STK31: variants seen among roughly 807,000 people sequenced by gnomAD.
The protein encoded by STK31 is serine/threonine-protein kinase 31.
A neutral mutation model predicts 129.7 loss-of-function variants in STK31; 89 were observed. The observed-to-expected ratio is 0.69, with a 90% CI of 0.58 to 0.82. The LOEUF is 0.82. STK31 is among the 40% of genes least tolerant of loss of function. STK31 has a pLI of 0.00. For synonymous variants in STK31, 448 were observed against 395.3 expected (o/e 1.13, Z -1.58); for missense variants, 1,187 against 1,176.4 (o/e 1.01, Z -0.13).
At chr7:23,826,778 G>A (rs1794180191) in intron 23 of STK31, among the ~76,000 whole-genome samples, 2 of 152,064 alleles carry the variant, frequency 1.3e-5, no homozygotes, top group African/African-American at 4.8e-5. Context: ...AGCTCTTTTA[G>A]GGCAGGTCTG....
At chr7:23,805,364 C>T (rs1376610779) in intron 22 of STK31, among the ~76,000 whole-genome samples, 2 of 152,228 alleles carry the variant, frequency 1.3e-5, no homozygotes, top group Non-Finnish European at 2.9e-5. Flanking sequence ...GCGTGAGCCA[C>T]CACGCCCAGC....
chr7:23,783,512 C>T (rs977270254), intron 16 of STK31, 71 bp from the exon 17 acceptor site: 8 of 1,092,136 alleles, frequency 7.3e-6, no homozygotes, highest in African/African-American at 1.6e-5. Context: ...GATATATTTT[C>T]CTGAAGAGCA....
In STK31 at chr7:23,729,231, A is replaced by AGTTACCCAG; in HGVS notation, c.466_474dup (p.Val156_Gln158dup). The AGTTACCCAG allele has an allele frequency of 6.2e-7, 1 of 1,601,158 alleles. No individual in the cohort carries two copies. The highest frequency in any genetic ancestry group is 8.5e-7 in the Non-Finnish European group (1 of 1,176,504). ...GACTACACATTCCTTCTGATCAAGA[A>AGTTACCCAG]GTTACCCAGTTTGATCAGGCAAGTC... On this transcript the variant is annotated inframe_insertion, in exon 6 of 24. Transcript: ENST00000355870.
chr7:23,754,520 TA>T (rs34664371), intron 10 of STK31, 46 bp downstream of exon 10: 687,358 of 1,531,776 alleles, frequency 0.45, 156,526 homozygotes, highest in Admixed American at 0.58. Context: ...CTGTTGAACA[TA>T]AGGAAGTGTT....
intron 22 of STK31, among the ~76,000 whole-genome samples, chr7:23,810,741 A>ATATAT (rs1562623359): frequency 9.2e-4 from 119 of 128,842 alleles, no homozygotes; most frequent in African/African-American, 3.3e-3. Context: ...GATATATATA[A>ATATAT]AATAGATATA....
chr7:23,722,057 C>T lies in STK31; in HGVS notation c.249+4478C>T, dbSNP rs528777608. Reference sequence around the variant, plus strand: ...CTTGGAGAAGTTTGTTATTACCAATCGTCTGAAGCCTTCTTCTCTCAACTC... The same window carrying T: ...CTTGGAGAAGTTTGTTATTACCAATTGTCTGAAGCCTTCTTCTCTCAACTC... On this transcript the variant is annotated intron_variant, in intron 4 of 23. Transcript: ENST00000355870. 5.6e-4 allele frequency: 93 copies of T among 164,924 alleles called. 1 individual carries two copies. In the Middle Eastern group the frequency reaches 9.2e-3, roughly 16 times the overall value. The allele number at this position is 164,924 out of a possible 1,614,324, so 10.2% of individuals were successfully genotyped here.
chr7:23,763,779 T>C (rs954057641), intron 11 of STK31, among the ~76,000 whole-genome samples: 6 of 152,112 alleles, frequency 3.9e-5, no homozygotes, highest in Admixed American at 1.3e-4. Flanking sequence ...TCTAATGTTT[T>C]CATTTGAAAT....
intron 8 of STK31, among the ~76,000 whole-genome samples, chr7:23,740,456 G>T (rs756949502): frequency 1.3e-5 from 2 of 152,104 alleles, no homozygotes; most frequent in Non-Finnish European, 2.9e-5. Context: ...GATGGTTGTT[G>T]TCTGCAAGCA....
At position 23,789,106 on chromosome 7, in the gene STK31, A is replaced by G. The variant is rs1165999694; in HGVS notation, c.2637+977A>G. Among the ~76,000 whole-genome samples the G allele has an allele frequency of 2.0e-5, 3 of 152,148 alleles. No individual in the cohort carries two copies. The East Asian group carries it at 5.8e-4, about 29-fold the overall frequency. ...ACTTAGCATAGTGTTTTCAGAGTTCATCCACGTTATTGACTGTATCAAAAT... is the reference window on the plus strand; with the variant it reads ...ACTTAGCATAGTGTTTTCAGAGTTCGTCCACGTTATTGACTGTATCAAAAT... On this transcript the variant is annotated intron_variant, in intron 21 of 23. Transcript: ENST00000355870.
intron 22 of STK31, among the ~76,000 whole-genome samples, chr7:23,810,332 T>C (rs1055981992): frequency 2.6e-5 from 4 of 151,774 alleles, no homozygotes; most frequent in East Asian, 1.9e-4. Flanking sequence ...AGTTGCATTG[T>C]TTTTTATTTA....
chr7:23,807,269 T>C (rs187077844), intron 22 of STK31, among the ~76,000 whole-genome samples: 51 of 152,302 alleles, frequency 3.3e-4, no homozygotes, highest in South Asian at 6.2e-4. Flanking sequence ...GTCCTTTATC[T>C]GAGAGCATCT....
intron 22 of STK31, 71 bp downstream of exon 22, chr7:23,791,017 T>A (rs1791583458): frequency 2.2e-5 from 27 of 1,202,892 alleles, no homozygotes; most frequent in Non-Finnish European, 2.7e-5. Context: ...GATTTTATAG[T>A]GATTCTCCTT....
At chr7:23,775,375 G>A (rs968438708) in intron 15 of STK31, among the ~76,000 whole-genome samples, 1 of 152,198 alleles carries the variant, frequency 6.6e-6, no homozygotes, top group Non-Finnish European at 1.5e-5. Flanking sequence ...GAAATTCAGT[G>A]GTGGCTTGAT....
chr7:23,713,129 C>G (rs1444902910), intron 3 of STK31, among the ~76,000 whole-genome samples: 8 of 152,132 alleles, frequency 5.3e-5, no homozygotes, highest in Non-Finnish European at 1.2e-4. Flanking sequence ...GTATGAACAT[C>G]ATAGAATGTA....
intron 8 of STK31, among the ~76,000 whole-genome samples, chr7:23,752,332 A>G (rs1044211426): frequency 6.7e-6 from 1 of 148,420 alleles, no homozygotes; most frequent in African/African-American, 2.5e-5. Flanking sequence ...ATTCTATTAT[A>G]TTTTATTCAA....
At chr7:23,768,637 G>A (rs780180825) in intron 11 of STK31, among the ~76,000 whole-genome samples, 2 of 152,028 alleles carry the variant, frequency 1.3e-5, no homozygotes, top group African/African-American at 2.4e-5. Context: ...ATACACTAAA[G>A]CCCAGACTTT....
At position 23,783,567 on chromosome 7, in the gene STK31, T is replaced by C; in HGVS notation, c.2068-16T>C. The C allele has an allele frequency of 6.3e-7, 1 of 1,590,138 alleles. No individual in the cohort carries two copies. The highest frequency in any genetic ancestry group is 8.5e-7 in the Non-Finnish European group (1 of 1,173,956). ...ATATTGATCTACAGTTAAAAACTTTTTTTTTTTAACTTTAGGAGATGCTAA... is the reference window on the plus strand; with the variant it reads ...ATATTGATCTACAGTTAAAAACTTTCTTTTTTTAACTTTAGGAGATGCTAA... On this transcript the variant is annotated splice_polypyrimidine_tract_variant and intron_variant, in intron 16 of 23. Coordinates refer to ENST00000355870, the MANE Select transcript of STK31 (RefSeq NM_031414.5).
rs369671534 is a variant in STK31, at chr7:23,769,670, A to C, written c.1627A>C (p.Ile543Leu). 29 of 1,611,694 alleles carry C rather than the reference A, an allele frequency of 1.8e-5. No individual in the cohort carries two copies. The highest frequency in any genetic ancestry group is 2.4e-5 in the Non-Finnish European group (28 of 1,178,808). ...VFDLSVEGSL[I>L]SEDAMDNIDE... The stretch of plus-strand genomic sequence containing the variant: ...TGACCTATCTGTGGAAGGATCACTG[A>C]TTTCAGAAGACGCAATGGATAATAT... The change falls in exon 13 of 24, where the codon ATT becomes CTT. Residue 543 changes from isoleucine (I) to leucine (L), a missense_variant. Transcript: ENST00000355870.
intron 15 of STK31, among the ~76,000 whole-genome samples, chr7:23,779,537 C>T (rs1364123196): frequency 6.6e-6 from 1 of 152,168 alleles, no homozygotes; most frequent in Non-Finnish European, 1.5e-5. Context: ...GATGCCCTGC[C>T]CAGAAAGGAA....
Sources: gnomAD v4.1 joint callset for allele counts (sites outside exome capture counted in the v4.1 genomes callset) on GRCh38, gnomAD v4.1.1 for gene constraint, MANE v1.5 for transcripts, NCBI Gene and HGNC (gene_info 2026-07-23, HGNC 2026-07-21) for gene names.